The following SH3KBP1 variants were observed in gnomAD, a reference collection of about 807,000 sequenced individuals.
The protein encoded by SH3KBP1 is SH3 domain containing kinase binding protein 1.
SH3KBP1 carries 8 observed loss-of-function variants against 50.1 expected under a neutral mutation model. That is an observed-to-expected ratio of 0.16 (90% confidence interval 0.09 to 0.29). The LOEUF (loss-of-function observed/expected upper bound fraction) is 0.29. Ranked by LOEUF, SH3KBP1 falls within the 10% of genes least tolerant of loss-of-function variation. The pLI, the probability that SH3KBP1 is intolerant of heterozygous loss-of-function variation, is 1.00. For synonymous variants in SH3KBP1, 227 were observed against 218.6 expected (o/e 1.04, Z -0.34); for missense variants, 377 against 535.2 (o/e 0.70, Z 2.92).
intron 5 of SH3KBP1, among the ~76,000 whole-genome samples, chrX:19,692,123 T>G (rs1365929840): frequency 8.9e-6 from 1 of 111,996 alleles, no homozygotes; most frequent in Non-Finnish European, 1.9e-5. Context: ...AAATATGCAG[T>G]GAAAAGTTTC....
intron 6 of SH3KBP1, among the ~76,000 whole-genome samples, chrX:19,661,648 A>G (rs1346116981): frequency 3.7e-5 from 3 of 82,029 alleles, no homozygotes; most frequent in Non-Finnish European, 6.7e-5. Flanking sequence ...TTTTTTTGAG[A>G]TGGAGTTTCG....
intron 2 of SH3KBP1, among the ~76,000 whole-genome samples, chrX:19,831,539 C>T (rs1429794252): frequency 3.7e-5 from 4 of 108,792 alleles, no homozygotes; most frequent in African/African-American, 1.3e-4. Context: ...CACCTGTAAT[C>T]CCAGCACTTT....
At chrX:19,776,042 C>A (rs2065959680) in intron 2 of SH3KBP1, among the ~76,000 whole-genome samples, 1 of 111,553 alleles carries the variant, frequency 9.0e-6, no homozygotes, top group African/African-American at 3.3e-5. Flanking sequence ...ACAAATGTGA[C>A]TAGCCCAAAG....
intron 2 of SH3KBP1, among the ~76,000 whole-genome samples, chrX:19,766,483 CTTTTTTTTTTTTTTTTTTTTTTTT>C (rs61439964): frequency 2.7e-4 from 6 of 22,589 alleles, no homozygotes; most frequent in South Asian, 6.6e-3. Context: ...TTGATTGCAT[CTTTTTTTTTTTTTTTTTTTTTTTT>C]TTTTTTTTTT....
At chrX:19,756,987 G>A (rs772947272) in intron 2 of SH3KBP1, among the ~76,000 whole-genome samples, 59 of 110,799 alleles carry the variant, frequency 5.3e-4, no homozygotes, top group African/African-American at 1.9e-3. Context: ...GCTGCCTCCA[G>A]GGAGGGGAAC....
At chrX:19,613,153 T>C (rs937502772) in intron 8 of SH3KBP1, among the ~76,000 whole-genome samples, 3 of 111,986 alleles carry the variant, frequency 2.7e-5, no homozygotes, top group African/African-American at 9.7e-5. Flanking sequence ...CGGTAGAAGT[T>C]GAGTGAAGGC....
intron 7 of SH3KBP1, among the ~76,000 whole-genome samples, chrX:19,635,855 ATG>A (rs1307910253): frequency 8.1e-5 from 9 of 111,614 alleles, no homozygotes; most frequent in Non-Finnish European, 1.9e-5. Flanking sequence ...AGACAAAGCC[ATG>A]CATACACATA....
At chrX:19,690,060 C>CTT (rs1288057221) in intron 5 of SH3KBP1, among the ~76,000 whole-genome samples, 15 of 64,415 alleles carry the variant, frequency 2.3e-4, no homozygotes, top group Middle Eastern at 6.2e-3. Flanking sequence ...CTCTCTCTCT[C>CTT]TTTTTTTTTT....
intron 1 of SH3KBP1, among the ~76,000 whole-genome samples, chrX:19,859,337 G>A (rs908760830): frequency 2.5e-4 from 27 of 110,174 alleles, no homozygotes; most frequent in Non-Finnish European, 4.2e-4. Context: ...TTGTAGCAAC[G>A]GGGTTTCACC....
At chrX:19,725,401 G>A (rs2064190552) in intron 3 of SH3KBP1, among the ~76,000 whole-genome samples, 1 of 110,895 alleles carries the variant, frequency 9.0e-6, no homozygotes, top group Admixed American at 9.6e-5. Context: ...AGCCCTGGAG[G>A]TGGAGGCTGC....
chrX:19,717,922 G>C (rs1263415474), intron 3 of SH3KBP1, among the ~76,000 whole-genome samples: 2 of 111,198 alleles, frequency 1.8e-5, no homozygotes, highest in Non-Finnish European at 3.8e-5. Flanking sequence ...AAAGATATAT[G>C]TATAAGAAGG....
intron 6 of SH3KBP1, among the ~76,000 whole-genome samples, chrX:19,649,282 G>A (rs1351226609): frequency 1.8e-5 from 2 of 111,805 alleles, no homozygotes; most frequent in African/African-American, 3.3e-5. Flanking sequence ...CGGGGGATCT[G>A]GAAACAGACC....
chrX:19,564,071 C>A (rs1433186895), intron 13 of SH3KBP1, among the ~76,000 whole-genome samples: 1 of 110,802 alleles, frequency 9.0e-6, no homozygotes, highest in Non-Finnish European at 1.9e-5. Flanking sequence ...GCTGCAAGGA[C>A]CAATAACTGG....
At chrX:19,744,262 A>AG (rs1285774172) in intron 3 of SH3KBP1, among the ~76,000 whole-genome samples, 1 of 112,458 alleles carries the variant, frequency 8.9e-6, no homozygotes, top group Non-Finnish European at 1.9e-5. Flanking sequence ...CCTTGTTTTA[A>AG]GGGGGGAAAA....
At position 19,887,480 on chromosome X, in the gene SH3KBP1, C is replaced by G; in HGVS notation, c.-170G>C. ...GCGGCGGCGGCGGCTCAGCGCCGCC[C>G]GCTGCTGCCTCTGCTGCTGCTGCCG... On this transcript the variant is annotated 5_prime_UTR_variant, in exon 1 of 18. Coordinates refer to ENST00000397821, the MANE Select transcript of SH3KBP1 (RefSeq NM_031892.3). 1 of 321,851 alleles carries G rather than the reference C, an allele frequency of 3.1e-6. No individual in the cohort carries two copies. The highest frequency in any genetic ancestry group is 5.0e-6 in the Non-Finnish European group (1 of 198,859). 26.5% of individuals were successfully genotyped at this position (321,851 alleles called of 1,213,427 possible).
At chrX:19,880,688 C>T (rs1412546345) in intron 1 of SH3KBP1, among the ~76,000 whole-genome samples, 1 of 112,078 alleles carries the variant, frequency 8.9e-6, no homozygotes, top group Non-Finnish European at 1.9e-5. Context: ...ATGTTCCCTT[C>T]CATGGCAACA....
chrX:19,838,886 CAAAAAAAA>C (rs1187740894), intron 1 of SH3KBP1, among the ~76,000 whole-genome samples: 34 of 30,078 alleles, frequency 1.1e-3, no homozygotes, highest in Non-Finnish European at 1.4e-3. Flanking sequence ...AACTTTGTCT[CAAAAAAAA>C]AAAAAAAAAA....
At chrX:19,563,978 G>T (rs775175522) in intron 13 of SH3KBP1, among the ~76,000 whole-genome samples, 3 of 111,494 alleles carry the variant, frequency 2.7e-5, no homozygotes, top group African/African-American at 3.3e-5. Context: ...GTCATTCATG[G>T]GTTTTTGTTT....
chrX:19,803,532 T>C (rs2066948231), intron 2 of SH3KBP1, among the ~76,000 whole-genome samples: 1 of 111,673 alleles, frequency 9.0e-6, no homozygotes, highest in Admixed American at 9.5e-5. Context: ...AATCCTTAGA[T>C]AATGTAAGGA....
Sources: allele counts gnomAD v4.1 joint callset (sites outside exome capture counted in the v4.1 genomes callset), GRCh38; gene constraint gnomAD v4.1.1; transcripts MANE v1.5; gene names NCBI Gene and HGNC (gene_info 2026-07-23, HGNC 2026-07-21).